Variants in APBA1 observed in about 807,000 individuals in gnomAD.
The protein encoded by APBA1 is amyloid-beta A4 precursor protein-binding family A member 1.
APBA1 carries 55 observed loss-of-function variants against 86.6 expected under a neutral mutation model. The observed-to-expected ratio is 0.64, with a 90% confidence interval of 0.51 to 0.80. The LOEUF (loss-of-function observed/expected upper bound fraction) is 0.80, where lower values mean the gene tolerates loss of function less well. Among genes scored for constraint, APBA1 ranks in the 30% least tolerant of loss-of-function variants. The pLI is 0.00. For missense variants in APBA1, 1,090 were observed against 1,183.0 expected (o/e 0.92, Z 1.15); for synonymous variants, 511 against 493.9 (o/e 1.03, Z -0.46).
intron 1 of APBA1, among the ~76,000 whole-genome samples, chr9:69,592,714 A>G (rs1227156435): frequency 1.3e-5 from 2 of 152,330 alleles, no homozygotes; most frequent in East Asian, 3.9e-4. Flanking sequence ...CATGTAAGAC[A>G]TGCTTGCTTC....
intron 1 of APBA1, among the ~76,000 whole-genome samples, chr9:69,654,140 A>C (rs1414155207): frequency 6.6e-6 from 1 of 151,442 alleles, no homozygotes; most frequent in African/African-American, 2.4e-5. Context: ...AAAAGAGGGA[A>C]GTTTATAGTA....
chr9:69,489,008 A>G (rs943421298), intron 2 of APBA1, among the ~76,000 whole-genome samples: 3 of 152,126 alleles, frequency 2.0e-5, no homozygotes, highest in African/African-American at 7.2e-5. Flanking sequence ...AGAACATTCC[A>G]TGCTGATGGA....
chr9:69,533,078 C>T (rs1034934411), intron 1 of APBA1, among the ~76,000 whole-genome samples: 2 of 152,090 alleles, frequency 1.3e-5, no homozygotes, highest in Non-Finnish European at 2.9e-5. Flanking sequence ...TCCTATGATA[C>T]ACAAAGAAGG....
At chr9:69,598,209 C>T (rs1330440183) in intron 1 of APBA1, among the ~76,000 whole-genome samples, 1 of 151,832 alleles carries the variant, frequency 6.6e-6, no homozygotes, top group Admixed American at 6.6e-5. Context: ...TGCAAATTCT[C>T]ACTCATAGGT....
intron 2 of APBA1, among the ~76,000 whole-genome samples, chr9:69,499,817 A>AAAGTACACAT (rs756424798): frequency 2.0e-5 from 3 of 152,024 alleles, no homozygotes; most frequent in Non-Finnish European, 4.4e-5. Context: ...AGTGGATGTA[A>AAAGTACACAT]AAGTACACAT....
chr9:69,592,456 T>A (rs897780356), intron 1 of APBA1, among the ~76,000 whole-genome samples: 2 of 152,086 alleles, frequency 1.3e-5, no homozygotes, highest in African/African-American at 2.4e-5. Context: ...ATCAGCAGGT[T>A]GTCGTGTTGA....
chr9:69,540,057 T>A (rs1588350155), intron 1 of APBA1, among the ~76,000 whole-genome samples: 1 of 150,636 alleles, frequency 6.6e-6, no homozygotes, highest in African/African-American at 2.4e-5. Context: ...GAGGCGGAGG[T>A]TGCAGTGAGC....
At chr9:69,565,662 T>G (rs1336184868) in intron 1 of APBA1, among the ~76,000 whole-genome samples, 1 of 152,156 alleles carries the variant, frequency 6.6e-6, no homozygotes, top group African/African-American at 2.4e-5. Flanking sequence ...CAATGGTTCA[T>G]CCTCCCCTCT....
At chr9:69,468,791 A>T (rs1835321195) in intron 4 of APBA1, among the ~76,000 whole-genome samples, 2 of 152,250 alleles carry the variant, frequency 1.3e-5, no homozygotes, top group Non-Finnish European at 2.9e-5. Context: ...CGTGTCTGTG[A>T]TTAATATATA....
rs139304818 is a variant in APBA1 at position 69,592,183 on chromosome 9, T to C, written c.-69-74904A>G. ...TAATTAGAAAGTCATTTACCTAAATTACCCTCATTAGAATGCTGAACAGGA... is the reference window on the plus strand; with the variant it reads ...TAATTAGAAAGTCATTTACCTAAATCACCCTCATTAGAATGCTGAACAGGA... On this transcript the variant is annotated intron_variant, in intron 1 of 12. Transcript: ENST00000265381. 5.1e-3 allele frequency among the ~76,000 whole-genome samples: 775 copies of C among 152,354 alleles called. 9 individuals are homozygous for C. Among genetic ancestry groups the C allele is most frequent in the African/African-American group, 0.017 (726 of 41,584 alleles).
chr9:69,597,982 C>G (rs1822264916), intron 1 of APBA1, among the ~76,000 whole-genome samples: 1 of 151,852 alleles, frequency 6.6e-6, no homozygotes, highest in African/African-American at 2.4e-5. Context: ...GACACATGCA[C>G]ACGTATGTTT....
intron 2 of APBA1, among the ~76,000 whole-genome samples, chr9:69,485,671 T>C (rs1835597331): frequency 6.6e-6 from 1 of 152,022 alleles, no homozygotes; most frequent in African/African-American, 2.4e-5. Context: ...TAGGACACAG[T>C]GCGCAGAGAT....
intron 1 of APBA1, among the ~76,000 whole-genome samples, chr9:69,598,247 C>A: frequency 6.6e-6 from 1 of 150,458 alleles, no homozygotes; most frequent in Admixed American, 6.6e-5. Context: ...ATCACATGGA[C>A]ACAGGAAGGG....
intron 1 of APBA1, among the ~76,000 whole-genome samples, chr9:69,668,894 C>T (rs1260645911): frequency 6.6e-6 from 1 of 152,202 alleles, no homozygotes; most frequent in South Asian, 2.1e-4. Context: ...TGTAACCTTC[C>T]CTAATTCTTC....
intron 10 of APBA1, among the ~76,000 whole-genome samples, chr9:69,448,595 C>G (rs969157564): frequency 6.6e-6 from 1 of 152,200 alleles, no homozygotes; most frequent in African/African-American, 2.4e-5. Flanking sequence ...ACCCCCACCC[C>G]CTTAGCTGAG....
rs751502813 is a variant in APBA1 at position 69,427,579 on chromosome 9, A to G, written c.*3748T>C. 8.6e-5 allele frequency: 13 copies of G among 151,440 alleles called. No individual in the cohort carries two copies. Among genetic ancestry groups the G allele is most frequent in the Non-Finnish European group, 1.5e-4 (10 of 67,816 alleles). The allele number at this position is 151,440 out of a possible 1,614,324, so 9.4% of individuals were successfully genotyped here. Reference sequence around the variant, plus strand: ...TTGTTGCAGCAACTCTTATACAGACATTAGCGTTCAGTTAAATAAAGGAAG... The same window carrying G: ...TTGTTGCAGCAACTCTTATACAGACGTTAGCGTTCAGTTAAATAAAGGAAG... On this transcript the variant is annotated 3_prime_UTR_variant, in exon 13 of 13. Coordinates refer to ENST00000265381, the MANE Select transcript of APBA1 (RefSeq NM_001163.4).
At chr9:69,612,549 G>A (rs1822610852) in intron 1 of APBA1, among the ~76,000 whole-genome samples, 2 of 151,888 alleles carry the variant, frequency 1.3e-5, no homozygotes, top group Admixed American at 1.3e-4. Context: ...TATGTTATAG[G>A]AAATGTTGCT....
At chr9:69,521,951 G>C (rs935794925) in intron 1 of APBA1, among the ~76,000 whole-genome samples, 1 of 151,904 alleles carries the variant, frequency 6.6e-6, no homozygotes, top group Non-Finnish European at 1.5e-5. Context: ...ATGCTACTGG[G>C]GAGTTTAAGC....
chr9:69,505,634 T>C (rs1336298591), intron 2 of APBA1, among the ~76,000 whole-genome samples: 1 of 151,996 alleles, frequency 6.6e-6, no homozygotes, highest in Non-Finnish European at 1.5e-5. Flanking sequence ...ACTGTGTGCT[T>C]GCTAACATCA....
Sources: allele counts gnomAD v4.1 joint callset (sites outside exome capture counted in the v4.1 genomes callset), GRCh38; gene constraint gnomAD v4.1.1; transcripts MANE v1.5; gene names NCBI Gene and HGNC (gene_info 2026-07-23, HGNC 2026-07-21).